Variants in LRMDA observed in about 807,000 individuals in gnomAD.
The protein encoded by LRMDA is leucine-rich melanocyte differentiation-associated protein.
LRMDA carries 18 observed loss-of-function variants against 29.8 expected under a neutral mutation model. That is an observed-to-expected ratio of 0.60 (90% confidence interval 0.42 to 0.90). The LOEUF is 0.90. Among genes scored for constraint, LRMDA ranks in the 40% least tolerant of loss-of-function variants. The pLI, the probability that LRMDA is intolerant of heterozygous loss-of-function variation, is 0.00. For synonymous variants in LRMDA, 125 were observed against 109.4 expected, an observed-to-expected ratio of 1.14 and a Z score of -0.89; for missense variants, 273 against 273.9, an observed-to-expected ratio of 1.00 and a Z score of 0.02.
intron 2 of LRMDA, among the ~76,000 whole-genome samples, chr10:75,449,049 G>C (rs1844427837): frequency 6.6e-6 from 1 of 151,990 alleles, no homozygotes; most frequent in Non-Finnish European, 1.5e-5. Context: ...CTACTCGGGA[G>C]GCTGAGGCAG....
intron 2 of LRMDA, among the ~76,000 whole-genome samples, chr10:75,778,754 C>G (rs1248497107): frequency 2.6e-5 from 4 of 152,160 alleles, no homozygotes; most frequent in African/African-American, 9.7e-5. Context: ...GTCACTATTT[C>G]CAAGGAATAG....
At chr10:75,701,154 C>T (rs147794359) in intron 2 of LRMDA, among the ~76,000 whole-genome samples, 87 of 152,250 alleles carry the variant, frequency 5.7e-4, no homozygotes, top group Admixed American at 1.0e-3. Context: ...GTGGGCTGTG[C>T]TGTAGGACTG....
intron 2 of LRMDA, among the ~76,000 whole-genome samples, chr10:75,983,953 C>A (rs187769894): frequency 7.9e-4 from 120 of 152,306 alleles, no homozygotes; most frequent in Non-Finnish European, 1.5e-3. Context: ...CCACGCCCGG[C>A]CCCCAGTGTG....
Position 75,438,934 on chromosome 10 carries a change from A to G in LRMDA, c.131+440A>G, listed in dbSNP as rs572848161. Among the ~76,000 whole-genome samples the G allele has an allele frequency of 4.6e-5, 7 of 152,090 alleles. No individual in the cohort carries two copies. The South Asian group carries it at 1.5e-3, about 32-fold the overall frequency. On this transcript the variant is annotated intron_variant, in intron 2 of 6. Transcript: ENST00000611255. ...GTCGAGTCACAGGTAGGGTGTGTGT[A>G]TGTGTGTGTTCTCTTTCTTTTGTCT...
At chr10:75,560,317 T>A (rs1021559287) in intron 2 of LRMDA, among the ~76,000 whole-genome samples, 19 of 152,040 alleles carry the variant, frequency 1.2e-4, no homozygotes, top group Non-Finnish European at 2.5e-4. Context: ...AGTTCACTCA[T>A]GATTTGGCTC....
At chr10:75,694,743 G>C (rs1032906566) in intron 2 of LRMDA, among the ~76,000 whole-genome samples, 3 of 152,106 alleles carry the variant, frequency 2.0e-5, no homozygotes, top group African/African-American at 7.2e-5. Context: ...TGAAATATCG[G>C]CTGTATATGG....
chr10:76,301,760 A>G (rs1840483253), intron 5 of LRMDA, among the ~76,000 whole-genome samples: 1 of 152,236 alleles, frequency 6.6e-6, no homozygotes, highest in East Asian at 1.9e-4. Flanking sequence ...TAATTAGAAA[A>G]TAGGAGCTAT....
intron 2 of LRMDA, among the ~76,000 whole-genome samples, chr10:75,594,215 A>G (rs1840758038): frequency 6.6e-6 from 1 of 152,194 alleles, no homozygotes; most frequent in South Asian, 2.1e-4. Context: ...GCCCTGAACC[A>G]GAGGGCCCAG....
chr10:76,094,495 A>G (rs1206937946), intron 5 of LRMDA, among the ~76,000 whole-genome samples: 1 of 152,150 alleles, frequency 6.6e-6, no homozygotes, highest in Non-Finnish European at 1.5e-5. Context: ...ATTTAATAAA[A>G]GTTACATAGT....
At chr10:75,721,156 A>G (rs537222413) in intron 2 of LRMDA, among the ~76,000 whole-genome samples, 1 of 152,286 alleles carries the variant, frequency 6.6e-6, no homozygotes, top group Admixed American at 6.5e-5. Flanking sequence ...ACAGTATGTG[A>G]CATTAGCCTT....
intron 2 of LRMDA, among the ~76,000 whole-genome samples, chr10:75,955,395 C>G (rs1220634063): frequency 6.6e-6 from 1 of 152,182 alleles, no homozygotes; most frequent in Non-Finnish European, 1.5e-5. Flanking sequence ...CACCTGGAAT[C>G]TGTGATTAAA....
At chr10:76,185,212 C>A (rs1326805834) in intron 5 of LRMDA, among the ~76,000 whole-genome samples, 1 of 152,120 alleles carries the variant, frequency 6.6e-6, no homozygotes, top group Non-Finnish European at 1.5e-5. Context: ...TCTGTGCATC[C>A]AAATTCCAGC....
chr10:75,858,260 A>G (rs141573520), intron 2 of LRMDA, among the ~76,000 whole-genome samples: 3,737 of 152,296 alleles, frequency 0.025, 55 homozygotes, highest in Non-Finnish European at 0.037. Context: ...AGCTCATGCT[A>G]GGCCCGGTGA....
At position 76,413,114 on chromosome 10, in the gene LRMDA, CTCT is replaced by C. The variant is rs150676080; in HGVS notation, c.601+88636_601+88638del. Among the ~76,000 whole-genome samples the C allele has an allele frequency of 8.4e-3, 1,281 of 152,278 alleles. 9 individuals carry two copies. Among genetic ancestry groups the C allele is most frequent in the Non-Finnish European group, 0.012 (786 of 68,018 alleles). On this transcript the variant is annotated intron_variant, in intron 6 of 6. Coordinates refer to ENST00000611255, the MANE Select transcript of LRMDA (RefSeq NM_001305581.2). ...TCACATATCTCTATCTGCTCCCTTT[CTCT>C]TCTTCTCACATCCCTTAATTGTGAC...
In LRMDA at chr10:76,252,964, G is replaced by A. The variant is rs113887483; in HGVS notation, c.517-71437G>A. On this transcript the variant is annotated intron_variant, in intron 5 of 6. Transcript: ENST00000611255. ...AGGATTGGAAGAAACATTTCATCCC[G>A]CATCCCACCCAGGACATGCAGACAG... 3.9e-5 allele frequency among the ~76,000 whole-genome samples: 6 copies of A among 152,266 alleles called. 1 individual carries two copies. The highest frequency in any genetic ancestry group is 1.2e-4 in the African/African-American group (5 of 41,560).
intron 2 of LRMDA, among the ~76,000 whole-genome samples, chr10:75,939,933 C>T (rs369499817): frequency 1.3e-5 from 2 of 152,152 alleles, no homozygotes; most frequent in East Asian, 1.9e-4. Context: ...TACCAACACA[C>T]GTGCCTTTAG....
In LRMDA at chr10:75,463,428, A is replaced by G. The variant is rs554483383; in HGVS notation, c.131+24934A>G. On this transcript the variant is annotated intron_variant, in intron 2 of 6. Transcript: ENST00000611255. ...ACTGTCTGAGAGGCTCCTGTAGACA[A>G]TGTGGGATGATGAGCTGAGAGGAGT... Among the ~76,000 whole-genome samples the G allele has an allele frequency of 2.6e-5, 4 of 151,730 alleles. No individual in the cohort carries two copies. In the South Asian group the frequency reaches 6.3e-4, roughly 24 times the overall value.
chr10:75,798,029 A>G (rs1843683177), intron 2 of LRMDA, among the ~76,000 whole-genome samples: 2 of 152,122 alleles, frequency 1.3e-5, no homozygotes, highest in South Asian at 4.1e-4. Flanking sequence ...GTGACAGTGT[A>G]TTTCATTGTA....
chr10:76,409,054 C>T (rs368671734), intron 6 of LRMDA, among the ~76,000 whole-genome samples: 1 of 152,054 alleles, frequency 6.6e-6, no homozygotes, highest in African/African-American at 2.4e-5. Flanking sequence ...CCAAGGAGGC[C>T]CTATGGTTCA....
Sources: allele counts gnomAD v4.1 joint callset (sites outside exome capture counted in the v4.1 genomes callset), GRCh38; gene constraint gnomAD v4.1.1; transcripts MANE v1.5; gene names NCBI Gene and HGNC (gene_info 2026-07-23, HGNC 2026-07-21).